SLC27A6: variants seen among roughly 807,000 people sequenced by gnomAD.
The protein encoded by SLC27A6 is long-chain fatty acid transport protein 6.
In SLC27A6, 74 loss-of-function variants were observed where a neutral mutation model predicts 63.9. The observed-to-expected ratio is 1.16, with a 90% confidence interval of 0.96 to 1.40. The LOEUF is 1.40. Ranked by LOEUF, SLC27A6 falls within the 40% of genes most tolerant of loss-of-function variation. The pLI is 0.00. For missense variants in SLC27A6, 794 were observed against 732.9 expected (o/e 1.08, Z -0.96); for synonymous variants, 287 against 260.8 (o/e 1.10, Z -0.97).
chr5:128,990,331 T>C lies in SLC27A6; in HGVS notation c.845-9T>C. 2 of 1,607,234 alleles carry C rather than the reference T, an allele frequency of 1.2e-6. No homozygotes were observed. The highest frequency in any genetic ancestry group is 1.7e-6 in the Non-Finnish European group (2 of 1,178,488). ...TTTCCCTAGTGCCTGTTTTTGTCTT[T>C]TCTTATAGGTGCCACTTGTGTGTTA... On this transcript the variant is annotated splice_polypyrimidine_tract_variant and intron_variant, in intron 3 of 9. Coordinates refer to ENST00000262462, the MANE Select transcript of SLC27A6 (RefSeq NM_001017372.3).
chr5:129,025,642 A>G (rs1170040474), intron 6 of SLC27A6, among the ~76,000 whole-genome samples: 3 of 152,120 alleles, frequency 2.0e-5, no homozygotes, highest in South Asian at 2.1e-4. Context: ...AAAGTGCTCA[A>G]TAGGTATAAT....
intron 4 of SLC27A6, among the ~76,000 whole-genome samples, chr5:128,996,284 A>G (rs1276556730): frequency 1.7e-4 from 26 of 151,862 alleles, no homozygotes; most frequent in Admixed American, 1.7e-3. Flanking sequence ...CATAGTCTAT[A>G]CTTATTAGGA....
Position 129,033,251 on chromosome 5 carries a change from A to G in SLC27A6, c.1829A>G (p.Asp610Gly), listed in dbSNP as rs752821076. The G allele has an allele frequency of 3.8e-6, 6 of 1,587,714 alleles. No homozygotes were observed. The East Asian group carries it at 1.4e-4, about 36-fold the overall frequency. Reference sequence around the variant, plus strand: ...GTTCTACTGACCAGGGAACTTTATGATCAAATAATGTTAGGGGAAATAAAA... The same window carrying G: ...GTTCTACTGACCAGGGAACTTTATGGTCAAATAATGTTAGGGGAAATAAAA... ...SYVLLTRELY[D>G]QIMLGEIKL Residue 610 changes from aspartate to glycine, a missense_variant, in exon 10 of 10, where the codon GAT (aspartate) becomes GGT (glycine). Physicochemically the swap from Asp to Gly is moderately conservative, Grantham distance 94 (BLOSUM62 -1). Coordinates refer to ENST00000262462, the MANE Select transcript of SLC27A6 (RefSeq NM_001017372.3).
chr5:129,002,952 A>G (rs893171660), intron 4 of SLC27A6, among the ~76,000 whole-genome samples: 2 of 151,564 alleles, frequency 1.3e-5, no homozygotes, highest in Admixed American at 6.6e-5. Context: ...CTGTTTCTCT[A>G]CTTTGGTTTT....
At chr5:129,030,860 T>C (rs1752395673) in intron 9 of SLC27A6, among the ~76,000 whole-genome samples, 1 of 152,042 alleles carries the variant, frequency 6.6e-6, no homozygotes, top group Non-Finnish European at 1.5e-5. Context: ...TACAGTTTTA[T>C]CACCTGTGCA....
chr5:128,975,682 A>G (rs1217643539), intron 1 of SLC27A6, among the ~76,000 whole-genome samples: 1 of 152,208 alleles, frequency 6.6e-6, no homozygotes, highest in Non-Finnish European at 1.5e-5. Context: ...GTTAGCAGTA[A>G]GTTAATGACA....
chr5:129,014,138 A>G (rs559717916), intron 4 of SLC27A6, among the ~76,000 whole-genome samples: 23 of 152,290 alleles, frequency 1.5e-4, no homozygotes, highest in African/African-American at 5.5e-4. Context: ...CTCATCTTTT[A>G]GTATGTAGAC....
chr5:128,969,906 T>G (rs1237832487), intron 1 of SLC27A6, among the ~76,000 whole-genome samples: 1 of 152,212 alleles, frequency 6.6e-6, no homozygotes, highest in Non-Finnish European at 1.5e-5. Flanking sequence ...GGATTTGTCA[T>G]AAATAGCTCT....
At chr5:129,008,352 A>G (rs995922526) in intron 4 of SLC27A6, among the ~76,000 whole-genome samples, 1 of 152,136 alleles carries the variant, frequency 6.6e-6, no homozygotes, top group African/African-American at 2.4e-5. Context: ...ATTTCTTAGG[A>G]TGATTGTTTT....
chr5:128,987,089 G>C (rs763850188), intron 2 of SLC27A6, among the ~76,000 whole-genome samples: 21 of 152,250 alleles, frequency 1.4e-4, no homozygotes, highest in Non-Finnish European at 1.6e-4. Flanking sequence ...AGGAAGAACA[G>C]AGGTTTAAAA....
At chr5:128,997,523 A>T (rs1751199236) in intron 4 of SLC27A6, among the ~76,000 whole-genome samples, 1 of 152,186 alleles carries the variant, frequency 6.6e-6, no homozygotes, top group Non-Finnish European at 1.5e-5. Context: ...ATGCTAGTGG[A>T]ATTACACAGG....
At chr5:128,980,113 C>T (rs1035433509) in intron 1 of SLC27A6, among the ~76,000 whole-genome samples, 1 of 152,182 alleles carries the variant, frequency 6.6e-6, no homozygotes, top group Non-Finnish European at 1.5e-5. Context: ...GGTCTATCAT[C>T]TCCTCTTTTC....
Position 129,010,065 on chromosome 5 carries a change from A to T in SLC27A6, c.970-5820A>T, listed in dbSNP as rs190175034. 3.8e-4 allele frequency among the ~76,000 whole-genome samples: 58 copies of T among 152,330 alleles called. No homozygotes were observed. In the East Asian group the frequency reaches 6.2e-3, roughly 16 times the overall value. On this transcript the variant is annotated intron_variant, in intron 4 of 9. Coordinates refer to ENST00000262462, the MANE Select transcript of SLC27A6 (RefSeq NM_001017372.3). Reference sequence around the variant, plus strand: ...GGCGTCCCTGCTAACGTGCTGAATCAGTGAGTCACTGTCCTCCCAAATGTG... The same window carrying T: ...GGCGTCCCTGCTAACGTGCTGAATCTGTGAGTCACTGTCCTCCCAAATGTG...
chr5:128,982,447 T>G (rs977530874), intron 1 of SLC27A6, among the ~76,000 whole-genome samples: 3 of 152,200 alleles, frequency 2.0e-5, no homozygotes, highest in Non-Finnish European at 4.4e-5. Flanking sequence ...CAACAAAGAT[T>G]TGGAGCCACA....
At chr5:129,011,942 C>T (rs371618518) in intron 4 of SLC27A6, among the ~76,000 whole-genome samples, 1 of 151,882 alleles carries the variant, frequency 6.6e-6, no homozygotes, top group Non-Finnish European at 1.5e-5. Context: ...GTTTGCCACA[C>T]AAATACCCTT....
intron 4 of SLC27A6, among the ~76,000 whole-genome samples, chr5:129,007,825 A>T (rs935006481): frequency 1.3e-5 from 2 of 152,132 alleles, no homozygotes; most frequent in African/African-American, 4.8e-5. Flanking sequence ...TACTATCTAT[A>T]ATGATGAACA....
At chr5:129,015,629 A>T (rs1751865354) in intron 4 of SLC27A6, among the ~76,000 whole-genome samples, 2 of 152,310 alleles carry the variant, frequency 1.3e-5, no homozygotes, top group Admixed American at 1.3e-4. Context: ...TTACCCAAAA[A>T]AAAAGCCTTT....
At chr5:129,002,191 C>T (rs760080235) in intron 4 of SLC27A6, among the ~76,000 whole-genome samples, 22 of 152,286 alleles carry the variant, frequency 1.4e-4, no homozygotes, top group Middle Eastern at 3.4e-3. Context: ...AAGTAGTTAA[C>T]GATGAAATGA....
chr5:128,994,081 T>C (rs1455355723), intron 4 of SLC27A6, among the ~76,000 whole-genome samples: 1 of 152,056 alleles, frequency 6.6e-6, no homozygotes, highest in Non-Finnish European at 1.5e-5. Flanking sequence ...GGCAGGAGAA[T>C]TGCTTAACCC....
Sources: allele counts gnomAD v4.1 joint callset (sites outside exome capture counted in the v4.1 genomes callset), GRCh38; gene constraint gnomAD v4.1.1; transcripts MANE v1.5; gene names NCBI Gene and HGNC (gene_info 2026-07-23, HGNC 2026-07-21).